FOXO3: variants seen among roughly 807,000 people sequenced by gnomAD.
FOXO3 encodes the protein forkhead box O3, also known as forkhead box protein O3.
A neutral mutation model predicts 41.9 loss-of-function variants in FOXO3; 4 were observed. The ratio of observed to expected loss-of-function variants is 0.10; its 90% CI spans 0.05 to 0.22. The LOEUF (loss-of-function observed/expected upper bound fraction) is 0.22. Among genes scored for constraint, FOXO3 ranks in the 10% least tolerant of loss-of-function variants. FOXO3 has a pLI of 1.00. For synonymous variants in FOXO3, 318 were observed against 389.3 expected, an observed-to-expected ratio of 0.82 and a Z score of 2.16; for missense variants, 534 against 906.8, an observed-to-expected ratio of 0.59 and a Z score of 5.28.
chr6:108,616,349 G>T (rs951060961), intron 1 of FOXO3, among the ~76,000 whole-genome samples: 7 of 151,830 alleles, frequency 4.6e-5, no homozygotes, highest in African/African-American at 1.7e-4. Context: ...ATTTTTTAGA[G>T]ACGGGGTTTC....
At chr6:108,611,974 C>T (rs781659858) in intron 1 of FOXO3, among the ~76,000 whole-genome samples, 8 of 152,044 alleles carry the variant, frequency 5.3e-5, no homozygotes, top group Non-Finnish European at 8.8e-5. Flanking sequence ...TATTTCTAGA[C>T]CCTCTGTTCT....
intron 2 of FOXO3, among the ~76,000 whole-genome samples, chr6:108,675,619 T>C (rs1353186898): frequency 6.6e-6 from 1 of 152,244 alleles, no homozygotes; most frequent in Non-Finnish European, 1.5e-5. Flanking sequence ...AAAGTTTGGC[T>C]AAAATTATCT....
chr6:108,585,844 T>A (rs768376422), intron 1 of FOXO3, among the ~76,000 whole-genome samples: 3 of 152,224 alleles, frequency 2.0e-5, no homozygotes, highest in Non-Finnish European at 4.4e-5. Context: ...CGCTCTGTGC[T>A]TAGAGGCGTC....
At chr6:108,563,486 G>A (rs1051827049) in intron 1 of FOXO3, among the ~76,000 whole-genome samples, 2 of 152,236 alleles carry the variant, frequency 1.3e-5, no homozygotes, top group Non-Finnish European at 2.9e-5. Flanking sequence ...GGGTTTCCAA[G>A]TGGATGGGAA....
chr6:108,560,283 C>T (rs1013196129), upstream of FOXO3, among the ~76,000 whole-genome samples: 1 of 152,194 alleles, frequency 6.6e-6, no homozygotes, highest in Non-Finnish European at 1.5e-5. Flanking sequence ...ATTTATGTTC[C>T]GACTCGCTCC....
chr6:108,564,552 A>C (rs1408108889), intron 1 of FOXO3, among the ~76,000 whole-genome samples: 1 of 152,218 alleles, frequency 6.6e-6, no homozygotes, highest in Non-Finnish European at 1.5e-5. Flanking sequence ...GCAGGGCCTT[A>C]CTTCTTTTCA....
intron 1 of FOXO3, among the ~76,000 whole-genome samples, chr6:108,594,935 T>C (rs1776835298): frequency 6.6e-6 from 1 of 152,234 alleles, no homozygotes; most frequent in African/African-American, 2.4e-5. Context: ...TGCAACCTTT[T>C]CAGCACGTTG....
intron 1 of FOXO3, among the ~76,000 whole-genome samples, chr6:108,627,875 T>A (rs1050549082): frequency 1.3e-5 from 2 of 152,134 alleles, no homozygotes; most frequent in African/African-American, 4.8e-5. Flanking sequence ...CTTCCATTGG[T>A]TTGCTGGTCT....
chr6:108,661,262 T>G (rs1031271583), intron 1 of FOXO3, among the ~76,000 whole-genome samples: 8 of 151,992 alleles, frequency 5.3e-5, no homozygotes, highest in Admixed American at 5.2e-4. Flanking sequence ...GGGAACATTC[T>G]GGTAGAAGCA....
chr6:108,591,911 T>C (rs1309121643), intron 1 of FOXO3, among the ~76,000 whole-genome samples: 1 of 148,616 alleles, frequency 6.7e-6, no homozygotes. Flanking sequence ...GTTTGGAAAA[T>C]AGTGACATGT....
chr6:108,560,277 A>C (rs895225708), upstream of FOXO3, among the ~76,000 whole-genome samples: 5 of 152,012 alleles, frequency 3.3e-5, no homozygotes, highest in East Asian at 5.8e-4. Context: ...TGGAAGATTT[A>C]TGTTCCGACT....
At chr6:108,638,531 G>A (rs1218478925) in intron 1 of FOXO3, among the ~76,000 whole-genome samples, 1 of 152,132 alleles carries the variant, frequency 6.6e-6, no homozygotes, top group Non-Finnish European at 1.5e-5. Flanking sequence ...TGAGCTAGTG[G>A]ATAAGCTGAA....
chr6:108,560,917 G>T lies in FOXO3; in HGVS notation c.-292G>T. 8.1e-7 allele frequency: 1 copy of T among 1,229,464 alleles called. No individual in the cohort carries two copies. The highest frequency in any genetic ancestry group is 1.0e-6 in the Non-Finnish European group (1 of 967,742). The allele number at this position is 1,229,464 out of a possible 1,614,324, so 76.2% of individuals were successfully genotyped here. A position where few individuals can be genotyped will look rare whatever the true frequency, so the allele number is the denominator to read the frequency against. On this transcript the variant is annotated 5_prime_UTR_variant, in exon 1 of 3. Coordinates refer to ENST00000406360, the MANE Select transcript of FOXO3 (RefSeq NM_001455.4). ...CTCCATCGCGGCCTGGCCGGGGGGC[G>T]GTGTCTGCTGCGCCAGGTTCGCTGG...
At chr6:108,566,185 G>A (rs1186438003) in intron 1 of FOXO3, among the ~76,000 whole-genome samples, 1 of 152,088 alleles carries the variant, frequency 6.6e-6, no homozygotes, top group Non-Finnish European at 1.5e-5. Flanking sequence ...TGATCTGTGA[G>A]TCCCATGTAA....
chr6:108,618,140 C>A lies in FOXO3; in HGVS notation c.622-45315C>A, dbSNP rs896550717. 8.3e-6 allele frequency: 8 copies of A among 961,890 alleles called. No homozygotes were observed. In the African/African-American group the frequency reaches 1.1e-4, roughly 13 times the overall value. The allele number at this position is 961,890 out of a possible 1,614,324, so 59.6% of individuals were successfully genotyped here. On this transcript the variant is annotated intron_variant, in intron 1 of 2. Coordinates refer to ENST00000406360, the MANE Select transcript of FOXO3 (RefSeq NM_001455.4). ...GATCTGCCTCATGGACAATCCCTGT[C>A]ATTCACAATAGGCTTTCATTAGTTT...
chr6:108,657,054 A>G (rs996354406), intron 1 of FOXO3, among the ~76,000 whole-genome samples: 3 of 152,220 alleles, frequency 2.0e-5, no homozygotes, highest in African/African-American at 4.8e-5. Flanking sequence ...GGGTTATGCC[A>G]CTGATTGCCA....
chr6:108,648,111 G>A (rs1338268195), intron 1 of FOXO3, among the ~76,000 whole-genome samples: 1 of 152,204 alleles, frequency 6.6e-6, no homozygotes, highest in Admixed American at 6.5e-5. Context: ...AGGTAAAATT[G>A]AGGGCAGTCC....
chr6:108,583,271 G>C (rs961061616), intron 1 of FOXO3, among the ~76,000 whole-genome samples: 10 of 152,280 alleles, frequency 6.6e-5, no homozygotes, highest in Admixed American at 5.2e-4. Flanking sequence ...TCGGTGAAAA[G>C]GTAGCTATGG....
rs1236149262 is a variant in FOXO3, at chr6:108,561,521, G to C, written c.313G>C (p.Gly105Arg). 1 of 1,444,134 alleles carries C rather than the reference G, an allele frequency of 6.9e-7. No individual in the cohort carries two copies. The highest frequency in any genetic ancestry group is 1.5e-5 in the African/African-American group (1 of 67,746). The allele number at this position is 1,444,134 out of a possible 1,614,324, so 89.5% of individuals were successfully genotyped here. Residue 105 changes from glycine (G) to arginine (R), a missense_variant, in exon 1 of 3, where the codon GGG (glycine) becomes CGG (arginine). Around this residue, in one of 8 missense-constraint regions of FOXO3, gnomAD observed 139 missense variants for 163.7 expected, o/e 0.85. Transcript: ENST00000406360. Reference sequence around the variant, plus strand: ...CTCGGCCCGGGTGCTGGCACCCGGAGGGCAAGACCCCGGGTCTGGGCCAGC... The same window carrying C: ...CTCGGCCCGGGTGCTGGCACCCGGACGGCAAGACCCCGGGTCTGGGCCAGC... Reference protein sequence around the residue: ...EDSARVLAPGGQDPGSGPATA... With the variant: ...EDSARVLAPGRQDPGSGPATA...
Sources: gnomAD v4.1 joint callset for allele counts (sites outside exome capture counted in the v4.1 genomes callset) on GRCh38, gnomAD v4.1.1 for gene constraint, gnomAD v4.1.1 regional missense constraint, MANE v1.5 for transcripts, NCBI Gene and HGNC (gene_info 2026-07-23, HGNC 2026-07-21) for gene names.